The following LRRC9 variants were observed in gnomAD, a reference collection of about 807,000 sequenced individuals.
LRRC9 encodes the protein leucine-rich repeat-containing protein 9.
In LRRC9, 122 loss-of-function variants were observed where a neutral mutation model predicts 63.2. That is an observed-to-expected ratio of 1.93 (90% CI 1.67 to 2.24). The LOEUF is 2.24. Ranked by LOEUF, LRRC9 falls within the 30% of genes most tolerant of loss-of-function variation. The pLI, the probability that LRRC9 is intolerant of heterozygous loss-of-function variation, is 0.00. For missense variants in LRRC9, 1,071 were observed against 627.7 expected (o/e 1.71, Z -7.55); for synonymous variants, 366 against 213.1 (o/e 1.72, Z -6.25).
At chr14:60,037,731 A>T (rs1892572903) in intron 29 of LRRC9, among the ~76,000 whole-genome samples, 1 of 152,124 alleles carries the variant, frequency 6.6e-6, no homozygotes, top group African/African-American at 2.4e-5. Context: ...GTTCACTCTG[A>T]TGGTAGTTTC....
chr14:59,966,222 G>T lies in LRRC9; in HGVS notation c.1212-367G>T, dbSNP rs762011688. On this transcript the variant is annotated intron_variant, in intron 10 of 31. Transcript: ENST00000445360. The surrounding 1 kb of genome is among the most constrained non-coding windows in gnomAD (Gnocchi z 4.0). ...GGAACCACGTGAAATCATCTAGGGA[G>T]AGTGTTCGTGGAAGCAAGAGGAAGG... 2.0e-4 allele frequency among the ~76,000 whole-genome samples: 31 copies of T among 152,136 alleles called. No homozygotes were observed. The highest frequency in any genetic ancestry group is 1.3e-4 in the Non-Finnish European group (9 of 68,038).
chr14:59,994,589 T>C (rs1037779918), intron 17 of LRRC9, among the ~76,000 whole-genome samples: 4 of 152,136 alleles, frequency 2.6e-5, no homozygotes, highest in Non-Finnish European at 4.4e-5. Flanking sequence ...CTATTCACAA[T>C]AGCAAAGACT....
At chr14:60,028,981 G>A (rs924628532) in intron 28 of LRRC9, among the ~76,000 whole-genome samples, 1 of 152,054 alleles carries the variant, frequency 6.6e-6, no homozygotes, top group Non-Finnish European at 1.5e-5. Flanking sequence ...AGGAAATCAT[G>A]AGCCATGCTC....
intron 15 of LRRC9, among the ~76,000 whole-genome samples, chr14:59,978,588 G>A (rs1886573892): frequency 6.6e-6 from 1 of 152,002 alleles, no homozygotes; most frequent in Non-Finnish European, 1.5e-5. Context: ...TTAACAATAT[G>A]TTTTGAACAT....
At chr14:59,975,284 T>G (rs1886150776) in intron 13 of LRRC9, among the ~76,000 whole-genome samples, 1 of 150,678 alleles carries the variant, frequency 6.6e-6, no homozygotes, top group African/African-American at 2.4e-5. Flanking sequence ...ATAGGCCTTA[T>G]TTGTCCTGAA....
In LRRC9 at chr14:59,922,595, T is replaced by C. The variant is rs1385756757; in HGVS notation, c.-34+2712T>C. On this transcript the variant is annotated intron_variant, in intron 1 of 31. Transcript: ENST00000445360. The surrounding 1 kb of genome is among the most constrained non-coding windows in gnomAD (Gnocchi z 5.3). ...TAGGATCAATACATAGGAAAAGGGA[T>C]TTGTTTTGGACAAAAGGAAGAACAC... Among the ~76,000 whole-genome samples the C allele has an allele frequency of 9.2e-5, 14 of 152,112 alleles. No individual in the cohort carries two copies. Among genetic ancestry groups the C allele is most frequent in the Admixed American group, 9.2e-4 (14 of 15,268 alleles).
chr14:60,053,639 T>C lies in LRRC9; in HGVS notation c.4131+434T>C, dbSNP rs145867572. 7.6e-4 allele frequency among the ~76,000 whole-genome samples: 115 copies of C among 152,234 alleles called. No homozygotes were observed. The highest frequency in any genetic ancestry group is 2.5e-3 in the African/African-American group (102 of 41,536). ...GGAATTCTGAACTCAACTCTCTGGA[T>C]TGTGTAGTTTATCTAAGAAAGGAGA... On this transcript the variant is annotated intron_variant, in intron 30 of 31. Transcript: ENST00000445360. This position sits in a 1 kb window ranked among gnomAD's most constrained non-coding sequence, Gnocchi z 4.8.
intron 29 of LRRC9, among the ~76,000 whole-genome samples, chr14:60,038,920 T>A (rs1892689480): frequency 6.6e-6 from 1 of 152,202 alleles, no homozygotes; most frequent in Non-Finnish European, 1.5e-5. Context: ...AAATAGCTCT[T>A]ATTATTTTGA....
At chr14:59,951,753 T>G (rs1472027704) in intron 8 of LRRC9, among the ~76,000 whole-genome samples, 1 of 151,788 alleles carries the variant, frequency 6.6e-6, no homozygotes, top group Non-Finnish European at 1.5e-5. Context: ...TGGAATACCC[T>G]GCTGTGTGAG....
In LRRC9 at chr14:59,938,121, T is replaced by C. The variant is rs188818602; in HGVS notation, c.544-269T>C. Among the ~76,000 whole-genome samples, 25 of 152,258 alleles carry C rather than the reference T, an allele frequency of 1.6e-4. No individual in the cohort carries two copies. The East Asian group carries it at 4.8e-3, about 29-fold the overall frequency. ...TTATTAATGAATAAATGTGCTCACATCACTGGCTTCAAGGTTCCAGCTGGA... is the reference window on the plus strand; with the variant it reads ...TTATTAATGAATAAATGTGCTCACACCACTGGCTTCAAGGTTCCAGCTGGA... On this transcript the variant is annotated intron_variant, in intron 6 of 31. Coordinates refer to ENST00000445360, the Ensembl canonical transcript of LRRC9. The surrounding 1 kb of genome is among the most constrained non-coding windows in gnomAD (Gnocchi z 4.2).
chr14:59,960,579 C>A (rs1884248396), intron 9 of LRRC9, among the ~76,000 whole-genome samples: 1 of 152,132 alleles, frequency 6.6e-6, no homozygotes, highest in Non-Finnish European at 1.5e-5. Context: ...TCAAAACAAC[C>A]ATTTTAGGAA....
chr14:60,062,301 C>G (rs1305797309), intron 31 of LRRC9, 122 bp downstream of exon 32: 1 of 392,074 alleles, frequency 2.6e-6, no homozygotes, highest in Non-Finnish European at 4.5e-6. Context: ...ACTCTGGGAA[C>G]TAGAAAAAAC....
At chr14:59,944,843 A>C in intron 8 of LRRC9, 99 bp downstream of exon 8, 1 of 517,728 alleles carries the variant, frequency 1.9e-6, no homozygotes, top group South Asian at 3.1e-5. Flanking sequence ...ATACACACAT[A>C]TATAATACAC....
chr14:59,965,975 T>C (rs1462713560), intron 10 of LRRC9, among the ~76,000 whole-genome samples: 2 of 139,622 alleles, frequency 1.4e-5, no homozygotes, highest in African/African-American at 2.6e-5. Context: ...ACTTAAGCTA[T>C]CAGTTAAATG....
intron 13 of LRRC9, among the ~76,000 whole-genome samples, 181 bp from the exon 14 acceptor site, chr14:59,977,044 T>G (rs572246151): frequency 2.9e-4 from 44 of 152,320 alleles, no homozygotes; most frequent in South Asian, 2.1e-3. Context: ...CAACAAATAT[T>G]TGTTGAGCAT....
In LRRC9 at chr14:60,040,201, A is replaced by G. The variant is rs117727470; in HGVS notation, c.3990+8138A>G. ...CCAACTATGTGGTACATTTTGGAAT[A>G]AATGCGGTGTGGTGCTGAGAAGAAT... On this transcript the variant is annotated intron_variant, in intron 29 of 31. Transcript: ENST00000445360. Among the ~76,000 whole-genome samples, 395 of 152,070 alleles carry G rather than the reference A, an allele frequency of 2.6e-3. 11 individuals are homozygous for G. The East Asian group carries it at 0.063, about 24-fold the overall frequency.
chr14:60,027,592 C>T lies in LRRC9; in HGVS notation c.3704-292C>T, dbSNP rs1454632187. Among the ~76,000 whole-genome samples the T allele has an allele frequency of 4.0e-5, 6 of 151,842 alleles. No homozygotes were observed. The highest frequency in any genetic ancestry group is 6.6e-5 in the Admixed American group (1 of 15,214). Reference sequence around the variant, plus strand: ...CTTCTATATCTACTTTTGTCAATACCGACTATTTTAACACTTAATTACCAA... The same window carrying T: ...CTTCTATATCTACTTTTGTCAATACTGACTATTTTAACACTTAATTACCAA... On this transcript the variant is annotated intron_variant, in intron 27 of 31. Coordinates refer to ENST00000445360, the Ensembl canonical transcript of LRRC9. This position sits in a 1 kb window ranked among gnomAD's most constrained non-coding sequence, Gnocchi z 4.0.
chr14:59,963,068 T>C (rs372075108), intron 10 of LRRC9, among the ~76,000 whole-genome samples: 1 of 152,230 alleles, frequency 6.6e-6, no homozygotes, highest in Non-Finnish European at 1.5e-5. Context: ...CTATGCTACA[T>C]TTCTAGTTGT....
intron 29 of LRRC9, among the ~76,000 whole-genome samples, chr14:60,046,142 T>C (rs1893404403): frequency 6.6e-6 from 1 of 152,246 alleles, no homozygotes; most frequent in Non-Finnish European, 1.5e-5. Flanking sequence ...TGTAAATTTG[T>C]TTAAGTTCCT....
Sources: gnomAD v4.1 joint callset for allele counts (sites outside exome capture counted in the v4.1 genomes callset) on GRCh38, gnomAD v4.1.1 for gene constraint, Gnocchi (gnomAD v3.1) non-coding constraint, MANE v1.5 for transcripts, NCBI Gene and HGNC (gene_info 2026-07-23, HGNC 2026-07-21) for gene names.